ARK2N: variants seen among roughly 807,000 people sequenced by gnomAD.
The protein encoded by ARK2N is protein ARK2N.
At chr18:46,223,657 T>G in the ARK2N span, among the ~76,000 whole-genome samples, 1 of 152,170 alleles carries the variant, frequency 6.6e-6, no homozygotes. Context: ...ATAAGACTCT[T>G]GATGTAGGTT....
At chr18:46,243,575 G>A in the ARK2N span, among the ~76,000 whole-genome samples, 1 of 152,170 alleles carries the variant, frequency 6.6e-6, no homozygotes, top group Admixed American at 6.5e-5. Context: ...TGAACCACAT[G>A]CAGGGATTAA....
chr18:46,204,929 CTTTTTTTTTTTA>C, the ARK2N span, among the ~76,000 whole-genome samples: 1 of 145,702 alleles, frequency 6.9e-6, no homozygotes, highest in East Asian at 2.0e-4. Flanking sequence ...TTTCTTTTTT[CTTTTTTTTTTTA>C]TTTTTTTTAT....
At chr18:46,223,770 A>G in the ARK2N span, among the ~76,000 whole-genome samples, 2 of 152,226 alleles carry the variant, frequency 1.3e-5, no homozygotes, top group Non-Finnish European at 2.9e-5. Flanking sequence ...CAGTGAAAGA[A>G]GTCTCTGTTG....
At chr18:46,242,861 T>A in the ARK2N span, among the ~76,000 whole-genome samples, 1 of 152,220 alleles carries the variant, frequency 6.6e-6, no homozygotes, top group Admixed American at 6.5e-5. Context: ...TGTTGGACAT[T>A]TAGGGTGCTA....
chr18:46,250,444 A>G, the ARK2N span, among the ~76,000 whole-genome samples: 15 of 145,888 alleles, frequency 1.0e-4, no homozygotes, highest in African/African-American at 2.5e-4. Flanking sequence ...TTGACTTTCT[A>G]TGTTCTTTCA....
chr18:46,263,046 G>T, the ARK2N span: 15 of 1,614,078 alleles, frequency 9.3e-6, no homozygotes, highest in Admixed American at 1.0e-4. Flanking sequence ...CTCCCCAGCA[G>T]ACTTGGGCTT....
At chr18:46,246,367 G>A in the ARK2N span, among the ~76,000 whole-genome samples, 2 of 152,130 alleles carry the variant, frequency 1.3e-5, no homozygotes, top group African/African-American at 2.4e-5. Context: ...AAGGACTAAT[G>A]GTCCTGGCTC....
At chr18:46,240,276 C>G in the ARK2N span, 2 of 1,362,912 alleles carry the variant, frequency 1.5e-6, no homozygotes, top group Non-Finnish European at 2.0e-6. Flanking sequence ...ATGAGGAGAA[C>G]AGGTCATACC....
the ARK2N span, among the ~76,000 whole-genome samples, chr18:46,259,885 C>CTGTGTGTGCGTGTGTGTGTGTGTGTGTG: frequency 2.5e-5 from 2 of 81,596 alleles, no homozygotes; most frequent in Non-Finnish European, 5.0e-5. Flanking sequence ...ATCCTCCCGT[C>CTGTGTGTGCGTGTGTGTGTGTGTGTGTG]TGTGTGTGTG....
At chr18:46,180,006 T>G in the ARK2N span, among the ~76,000 whole-genome samples, 1 of 152,232 alleles carries the variant, frequency 6.6e-6, no homozygotes, top group Non-Finnish European at 1.5e-5. Flanking sequence ...CGGAACATAT[T>G]TGTAGCAGCT....
the ARK2N span, among the ~76,000 whole-genome samples, chr18:46,231,123 A>G: frequency 6.6e-6 from 1 of 152,232 alleles, no homozygotes. Context: ...AGCCCACATA[A>G]AATTTTAATT....
the ARK2N span, among the ~76,000 whole-genome samples, chr18:46,207,226 C>A: frequency 6.6e-6 from 1 of 152,078 alleles, no homozygotes; most frequent in East Asian, 1.9e-4. Flanking sequence ...CTTGAACTAT[C>A]CATTGTGAAG....
the ARK2N span, among the ~76,000 whole-genome samples, chr18:46,262,365 C>T: frequency 6.6e-6 from 1 of 152,130 alleles, no homozygotes; most frequent in Non-Finnish European, 1.5e-5. Context: ...TTGAATGAAC[C>T]AAGTGCTTCT....
the ARK2N span, chr18:46,263,058 A>C: frequency 7.4e-6 from 12 of 1,614,128 alleles, no homozygotes; most frequent in Non-Finnish European, 1.0e-5. Flanking sequence ...CTTGGGCTTC[A>C]CCAGCAGAAG....
the ARK2N span, among the ~76,000 whole-genome samples, chr18:46,191,235 G>C: frequency 6.6e-6 from 1 of 152,036 alleles, no homozygotes; most frequent in Non-Finnish European, 1.5e-5. Flanking sequence ...AAATTTAACA[G>C]AAAGTACAGA....
At chr18:46,185,776 CAGGAGTTTG>C in the ARK2N span, among the ~76,000 whole-genome samples, 1 of 152,140 alleles carries the variant, frequency 6.6e-6, no homozygotes, top group Non-Finnish European at 1.5e-5. Flanking sequence ...CACTTGAGGT[CAGGAGTTTG>C]AGACCAGCCT....
At chr18:46,244,379 G>T in the ARK2N span, among the ~76,000 whole-genome samples, 1 of 152,018 alleles carries the variant, frequency 6.6e-6, no homozygotes, top group Admixed American at 6.6e-5. Flanking sequence ...AAGAAGGTAG[G>T]TTCTGAGCAT....
chr18:46,209,151 C>T, the ARK2N span, among the ~76,000 whole-genome samples: 1,874 of 152,264 alleles, frequency 0.012, 48 homozygotes, highest in African/African-American at 0.043. Flanking sequence ...AAAGCAATCA[C>T]ATTTTCCCTC....
chr18:46,206,737 C>T, the ARK2N span, among the ~76,000 whole-genome samples: 1 of 152,024 alleles, frequency 6.6e-6, no homozygotes, highest in African/African-American at 2.4e-5. Flanking sequence ...TTTTAACCCA[C>T]TTCTCTTCAT....
Sources: allele counts gnomAD v4.1 joint callset (sites outside exome capture counted in the v4.1 genomes callset), GRCh38; gene constraint gnomAD v4.1.1; transcripts MANE v1.5; gene names NCBI Gene and HGNC (gene_info 2026-07-23, HGNC 2026-07-21).